ZDHHC18: variants seen among roughly 807,000 people sequenced by gnomAD.
The protein encoded by ZDHHC18 is palmitoyltransferase ZDHHC18.
Under a neutral mutation model 37.5 loss-of-function variants are expected in ZDHHC18, and 23 were observed. The ratio of observed to expected loss-of-function variants is 0.61; its 90% CI spans 0.44 to 0.87. ZDHHC18 has a LOEUF of 0.87. Ranked by LOEUF, ZDHHC18 falls within the 40% of genes least tolerant of loss-of-function variation. The pLI is 0.00. For missense variants in ZDHHC18, 406 were observed against 525.6 expected, an observed-to-expected ratio of 0.77 and a Z score of 2.22; for synonymous variants, 185 against 218.7, an observed-to-expected ratio of 0.85 and a Z score of 1.36.
At chr1:26,846,503 A>G (rs2081667084) in intron 2 of ZDHHC18, among the ~76,000 whole-genome samples, 1 of 148,806 alleles carries the variant, frequency 6.7e-6, no homozygotes, top group African/African-American at 2.5e-5. Context: ...ATTTTTTTGT[A>G]TTTTTAGTAG....
At chr1:26,853,689 G>A (rs777555150) in intron 7 of ZDHHC18, 37 bp from the exon 8 acceptor site, 2 of 1,597,366 alleles carry the variant, frequency 1.3e-6, no homozygotes, top group Non-Finnish European at 1.7e-6. Flanking sequence ...CTCAGTGTTG[G>A]GCAGAGCCCT....
Position 26,855,868 on chromosome 1 carries a change from T to TGGCTGGAGCTCTGTC in ZDHHC18, c.*2026_*2040dup. ...TGATCTGGCTACATTTTCCCTCACC[T>TGGCTGGAGCTCTGTC]GGCTGGAGCTCTGTCCGCTGGAGGA... On this transcript the variant is annotated 3_prime_UTR_variant, in exon 8 of 8. Coordinates refer to ENST00000374142, the MANE Select transcript of ZDHHC18 (RefSeq NM_032283.3). 5.4e-6 allele frequency: 1 copy of TGGCTGGAGCTCTGTC among 184,538 alleles called. No homozygotes were observed. The highest frequency in any genetic ancestry group is 1.2e-5 in the Non-Finnish European group (1 of 83,798). The allele number at this position is 184,538 out of a possible 1,614,324, so 11.4% of individuals were successfully genotyped here.
Position 26,856,590 on chromosome 1 carries a change from G to C in ZDHHC18, c.*2747G>C, listed in dbSNP as rs112320940. The C allele has an allele frequency of 6.0e-6, 1 of 167,728 alleles. No homozygotes were observed. The highest frequency in any genetic ancestry group is 1.3e-5 in the Non-Finnish European group (1 of 75,736). The allele number at this position is 167,728 out of a possible 1,614,324, so 10.4% of individuals were successfully genotyped here. A position where few individuals can be genotyped will look rare whatever the true frequency, so the allele number is the denominator to read the frequency against. On this transcript the variant is annotated 3_prime_UTR_variant, in exon 8 of 8. Coordinates refer to ENST00000374142, the MANE Select transcript of ZDHHC18 (RefSeq NM_032283.3). The surrounding 1 kb of genome is among the most constrained non-coding windows in gnomAD (Gnocchi z 5.2). ...AGGTGCTTGGGTCTGTGCTGGTGGGGTCCTGGTATGCAGGGGCCACCGGTC... is the reference window on the plus strand; with the variant it reads ...AGGTGCTTGGGTCTGTGCTGGTGGGCTCCTGGTATGCAGGGGCCACCGGTC...
In ZDHHC18 at chr1:26,847,372, C is replaced by T. The variant is rs567536638; in HGVS notation, c.497-1236C>T. ...GACTATAGTCACACGCCGTCATACCCGGCTAATTTTTGTCATTTTTTATAG... is the reference window on the plus strand; with the variant it reads ...GACTATAGTCACACGCCGTCATACCTGGCTAATTTTTGTCATTTTTTATAG... On this transcript the variant is annotated intron_variant, in intron 2 of 7. Coordinates refer to ENST00000374142, the MANE Select transcript of ZDHHC18 (RefSeq NM_032283.3). 1.1e-4 allele frequency among the ~76,000 whole-genome samples: 16 copies of T among 152,116 alleles called. No individual in the cohort carries two copies. In the South Asian group the frequency reaches 2.3e-3, roughly 22 times the overall value.
At chr1:26,851,291 T>A in intron 6 of ZDHHC18, 60 bp downstream of exon 6, 1 of 1,540,840 alleles carries the variant, frequency 6.5e-7, no homozygotes, top group East Asian at 2.2e-5. Context: ...GAGGCAGGGC[T>A]GAGGGAGCCT....
chr1:26,850,262 C>T lies in ZDHHC18; in HGVS notation c.647-39C>T. On this transcript the variant is annotated intron_variant, in intron 3 of 7. Transcript: ENST00000374142. The surrounding 1 kb of genome is among the most constrained non-coding windows in gnomAD (Gnocchi z 6.1). ...GCCAAATGCCTGTGCTGGCTGCAGG[C>T]CAGCCCACACTAACCCATCGCCCCT... 6.2e-7 allele frequency: 1 copy of T among 1,606,306 alleles called. No individual in the cohort carries two copies. The highest frequency in any genetic ancestry group is 1.3e-5 in the African/African-American group (1 of 74,826).
rs539628126 is a variant in ZDHHC18, at chr1:26,850,947, C to T, written c.834-182C>T. Among the ~76,000 whole-genome samples the T allele has an allele frequency of 7.9e-5, 12 of 152,274 alleles. No individual in the cohort carries two copies. In the South Asian group the frequency reaches 2.5e-3, roughly 32 times the overall value. The stretch of plus-strand genomic sequence containing the variant: ...ACCTTGTCTGGCTCTTGAGTGGGGT[C>T]CTGACCCTTCCGAGGGGCCCAGGAG... On this transcript the variant is annotated intron_variant, in intron 5 of 7. Transcript: ENST00000374142. The surrounding 1 kb of genome is among the most constrained non-coding windows in gnomAD (Gnocchi z 6.1).
In ZDHHC18 at chr1:26,848,637, C is replaced by A. The variant is rs766898248; in HGVS notation, c.526C>A (p.Pro176Thr). 27 of 1,613,662 alleles carry A rather than the reference C, an allele frequency of 1.7e-5. No individual in the cohort carries two copies. The highest frequency in any genetic ancestry group is 1.6e-4 in the Middle Eastern group (1 of 6,080). Reference sequence around the variant, plus strand: ...CACAGGCAGTTCTACATACCGGCCACCCCCTCGGACCCGGGAGGTGCTGAT... The same window carrying A: ...CACAGGCAGTTCTACATACCGGCCAACCCCTCGGACCCGGGAGGTGCTGAT... ...DNTGSSTYRP[P>T]PRTREVLING... The change falls in exon 3 of 8, where the codon CCC (proline) becomes ACC (threonine). Residue 176 changes from proline (P) to threonine (T), a missense_variant. Transcript: ENST00000374142.
At chr1:26,842,004 G>A (rs527805978) in intron 2 of ZDHHC18, among the ~76,000 whole-genome samples, 1 of 152,104 alleles carries the variant, frequency 6.6e-6, no homozygotes, top group African/African-American at 2.4e-5. Flanking sequence ...GCATGGTTGC[G>A]GGCACCTGTA....
chr1:26,848,562 T>G (rs1289498420), intron 2 of ZDHHC18, 46 bp from the exon 3 acceptor site: 5 of 1,587,442 alleles, frequency 3.1e-6, no homozygotes, highest in Non-Finnish European at 4.3e-6. Context: ...ATCCGGGCCC[T>G]GGGCTGCCTT....
intron 7 of ZDHHC18, among the ~76,000 whole-genome samples, chr1:26,853,501 T>C (rs929520968): frequency 6.6e-6 from 1 of 152,172 alleles, no homozygotes; most frequent in African/African-American, 2.4e-5. Flanking sequence ...CCAGTTGGAA[T>C]TAATAGTGAA....
intron 1 of ZDHHC18, among the ~76,000 whole-genome samples, chr1:26,828,800 C>T (rs552364396): frequency 2.6e-5 from 4 of 151,200 alleles, no homozygotes; most frequent in Non-Finnish European, 4.4e-5. Context: ...TTCAGATCCA[C>T]TTCCCTGGGC....
At chr1:26,832,140 T>C (rs1238421076) in intron 1 of ZDHHC18, 1 of 303,346 alleles carries the variant, frequency 3.3e-6, no homozygotes, top group Non-Finnish European at 6.2e-6. Context: ...CACTAGTGTC[T>C]GCCTGAAGCT....
intron 2 of ZDHHC18, among the ~76,000 whole-genome samples, chr1:26,842,090 C>T (rs985874899): frequency 1.6e-4 from 24 of 150,696 alleles, no homozygotes; most frequent in Admixed American, 7.3e-4. Flanking sequence ...GCCAAGATCG[C>T]GCCACTGCAC....
In ZDHHC18 at chr1:26,853,773, C is replaced by T. The variant is rs2081719341; in HGVS notation, c.1097C>T (p.Ser366Leu). 2 of 1,614,106 alleles carry T rather than the reference C, an allele frequency of 1.2e-6. No homozygotes were observed. The highest frequency in any genetic ancestry group is 1.7e-6 in the Non-Finnish European group (2 of 1,180,026). Residue 366 changes from serine to leucine, a missense_variant, in exon 8 of 8, where the codon TCA becomes TTA. Physicochemically the swap from Ser to Leu is moderately radical, Grantham distance 145. Transcript: ENST00000374142. ...GTGCAGTCCGACACCGTGTTGCCCT[C>T]ACCCATCAGAAGCGATGAGCCAGCC... is the stretch of plus-strand genomic sequence containing the variant. ...GFVQSDTVLP[S>L]PIRSDEPACR...
At chr1:26,848,473 C>T in intron 2 of ZDHHC18, 135 bp from the exon 3 acceptor site, 2 of 1,180,284 alleles carry the variant, frequency 1.7e-6, no homozygotes, top group Non-Finnish European at 2.4e-6. Flanking sequence ...CATTTTACTC[C>T]AATGTTTGTT....
intron 2 of ZDHHC18, among the ~76,000 whole-genome samples, chr1:26,843,992 T>C (rs2081650964): frequency 6.6e-6 from 1 of 152,126 alleles, no homozygotes; most frequent in Non-Finnish European, 1.5e-5. Flanking sequence ...TTTGCCTATT[T>C]TTGAACATTT....
intron 1 of ZDHHC18, among the ~76,000 whole-genome samples, chr1:26,827,362 G>A (rs2081563288): frequency 1.1e-5 from 1 of 93,780 alleles, no homozygotes; most frequent in African/African-American, 4.1e-5. Context: ...TACCCCATCC[G>A]CGCTGGTGCC....
At position 26,827,008 on chromosome 1, in the gene ZDHHC18, C is replaced by T; in HGVS notation, c.204C>T (p.Arg68=). The T allele has an allele frequency of 4.0e-6, 5 of 1,241,878 alleles. No individual in the cohort carries two copies. Among genetic ancestry groups the T allele is most frequent in the Non-Finnish European group, 5.0e-6 (5 of 993,232 alleles). 76.9% of individuals were successfully genotyped at this position (1,241,878 alleles called of 1,614,324 possible). ...GGAGCCTCGGCCGCCGCCCACGGCGCAAGTGGGAGGTGTTCCCGGGTCGCA... is the reference window on the plus strand; with the variant it reads ...GGAGCCTCGGCCGCCGCCCACGGCGTAAGTGGGAGGTGTTCCCGGGTCGCA... ...GSGSLGRRPR[R]KWEVFPGRNR... The change falls in exon 1 of 8, where the codon CGC becomes CGT. Residue 68 remains arginine, a synonymous_variant. Transcript: ENST00000374142.
Sources: gnomAD v4.1 joint callset for allele counts (sites outside exome capture counted in the v4.1 genomes callset) on GRCh38, gnomAD v4.1.1 for gene constraint, Gnocchi (gnomAD v3.1) non-coding constraint, MANE v1.5 for transcripts, NCBI Gene and HGNC (gene_info 2026-07-23, HGNC 2026-07-21) for gene names.